The following MALRD1 variants were observed in gnomAD, a reference collection of about 807,000 sequenced individuals.
MALRD1 encodes MAM and LDL-receptor class A domain-containing protein 1.
In MALRD1, 247 loss-of-function variants were observed where a neutral mutation model predicts 242.1. The observed-to-expected ratio is 1.02, with a 90% CI of 0.92 to 1.13. The LOEUF is 1.13. Ranked by LOEUF, MALRD1 falls within the 50% of genes most tolerant of loss-of-function variation. The probability of loss-of-function intolerance (pLI) is 0.00; values close to 1 mark genes in which losing one functional copy is unlikely to be tolerated. For synonymous variants in MALRD1, 995 were observed against 866.6 expected, an observed-to-expected ratio of 1.15 and a Z score of -2.60; for missense variants, 2,989 against 2,533.1, an observed-to-expected ratio of 1.18 and a Z score of -3.86.
chr10:19,079,098 T>C (rs1431512724), intron 2 of MALRD1, among the ~76,000 whole-genome samples: 2 of 151,644 alleles, frequency 1.3e-5, no homozygotes, highest in Non-Finnish European at 3.0e-5. Context: ...GATCTTTCCT[T>C]GTTTAAATTT....
chr10:19,545,566 T>C (rs984047466), intron 32 of MALRD1, among the ~76,000 whole-genome samples: 1 of 152,158 alleles, frequency 6.6e-6, no homozygotes, highest in African/African-American at 2.4e-5. Flanking sequence ...TGTCTGATTA[T>C]TTCTCCTTCA....
At chr10:19,384,863 G>A (rs1353885528) in intron 26 of MALRD1, among the ~76,000 whole-genome samples, 1 of 150,902 alleles carries the variant, frequency 6.6e-6, no homozygotes, top group East Asian at 1.9e-4. Flanking sequence ...AGAAAGAACT[G>A]AAAATTTTTT....
chr10:19,568,030 G>A (rs1836332835), intron 33 of MALRD1, among the ~76,000 whole-genome samples: 1 of 152,112 alleles, frequency 6.6e-6, no homozygotes, highest in Non-Finnish European at 1.5e-5. Context: ...GGCCCCTGTG[G>A]CTACCTATTA....
chr10:19,211,553 G>T (rs992537944), intron 18 of MALRD1, among the ~76,000 whole-genome samples: 1 of 151,774 alleles, frequency 6.6e-6, no homozygotes, highest in African/African-American at 2.4e-5. Flanking sequence ...CAATTAGCCA[G>T]GCACGCACCT....
chr10:19,210,593 T>A (rs1354144800), intron 18 of MALRD1, among the ~76,000 whole-genome samples: 4 of 152,240 alleles, frequency 2.6e-5, no homozygotes, highest in Non-Finnish European at 4.4e-5. Context: ...TTTTTGCATG[T>A]ACTCAACTTC....
chr10:19,397,178 A>G (rs958071387), intron 28 of MALRD1, among the ~76,000 whole-genome samples: 1 of 152,078 alleles, frequency 6.6e-6, no homozygotes, highest in African/African-American at 2.4e-5. Context: ...CTGTGCAAAG[A>G]AACACCAGGA....
chr10:19,395,435 T>C (rs763988240), intron 28 of MALRD1, among the ~76,000 whole-genome samples: 7 of 152,210 alleles, frequency 4.6e-5, no homozygotes, highest in Non-Finnish European at 1.0e-4. Context: ...GGGAGAGGGC[T>C]TCCAGGTCAT....
At chr10:19,308,007 G>T (rs151180585) in intron 21 of MALRD1, among the ~76,000 whole-genome samples, 3 of 151,604 alleles carry the variant, frequency 2.0e-5, no homozygotes, top group Non-Finnish European at 4.4e-5. Flanking sequence ...ATTCCTTCAA[G>T]AATTTATCCT....
At chr10:19,534,774 T>G (rs1834579028) in intron 32 of MALRD1, among the ~76,000 whole-genome samples, 1 of 152,278 alleles carries the variant, frequency 6.6e-6, no homozygotes, top group Middle Eastern at 3.4e-3. Flanking sequence ...TTAAAAAATT[T>G]ATAATTTTTA....
At chr10:19,715,736 G>A (rs1834352485) in intron 38 of MALRD1, among the ~76,000 whole-genome samples, 2 of 152,200 alleles carry the variant, frequency 1.3e-5, no homozygotes, top group Non-Finnish European at 2.9e-5. Context: ...ATCTGCTTAT[G>A]GTGAGGCCTC....
chr10:19,592,779 A>ACG (rs1188071947), intron 33 of MALRD1, among the ~76,000 whole-genome samples: 1 of 151,624 alleles, frequency 6.6e-6, no homozygotes, highest in African/African-American at 2.4e-5. Context: ...ACACACACAC[A>ACG]CACACACACA....
chr10:19,710,683 T>G (rs1834066838), intron 38 of MALRD1: 1 of 152,232 alleles, frequency 6.6e-6, no homozygotes, highest in South Asian at 2.1e-4. Flanking sequence ...GGCTCCATAT[T>G]CTAATTATTT....
chr10:19,209,769 C>G (rs1318750101), intron 18 of MALRD1, 89 bp downstream of exon 18: 2 of 1,299,086 alleles, frequency 1.5e-6, no homozygotes, highest in Non-Finnish European at 2.1e-6. Flanking sequence ...TAATTAAAAG[C>G]AAGTGGAATT....
intron 31 of MALRD1, among the ~76,000 whole-genome samples, chr10:19,517,548 A>T (rs776875635): frequency 6.6e-6 from 1 of 152,190 alleles, no homozygotes; most frequent in African/African-American, 2.4e-5. Flanking sequence ...CCATTTCTGT[A>T]GAAAAACACA....
chr10:19,148,773 T>TAAAAAA (rs1174673634), intron 11 of MALRD1, among the ~76,000 whole-genome samples: 14 of 114,472 alleles, frequency 1.2e-4, no homozygotes, highest in East Asian at 5.0e-4. Context: ...AAGGGCCAAT[T>TAAAAAA]AAAAAAAAAA....
intron 36 of MALRD1, among the ~76,000 whole-genome samples, chr10:19,628,627 C>A (rs1452305751): frequency 6.6e-6 from 1 of 152,000 alleles, no homozygotes. Context: ...AGTTAGTGAG[C>A]TCTGTAGAAG....
At chr10:19,500,305 A>G (rs765264928) in intron 31 of MALRD1, among the ~76,000 whole-genome samples, 1 of 152,228 alleles carries the variant, frequency 6.6e-6, no homozygotes, top group African/African-American at 2.4e-5. Context: ...AGTGTATACT[A>G]TAAGATGAAC....
intron 34 of MALRD1, among the ~76,000 whole-genome samples, chr10:19,596,797 G>A (rs1838121575): frequency 6.7e-6 from 1 of 149,914 alleles, no homozygotes; most frequent in African/African-American, 2.5e-5. Context: ...GAAGGAAGAG[G>A]GGAAGGGAGG....
chr10:19,391,097 A>G (rs1846317368), intron 28 of MALRD1, among the ~76,000 whole-genome samples: 1 of 152,126 alleles, frequency 6.6e-6, no homozygotes, highest in Non-Finnish European at 1.5e-5. Context: ...TTTTATTTCT[A>G]GAAAGTGTAA....
Sources: gnomAD v4.1 joint callset for allele counts (sites outside exome capture counted in the v4.1 genomes callset) on GRCh38, gnomAD v4.1.1 for gene constraint, MANE v1.5 for transcripts, NCBI Gene and HGNC (gene_info 2026-07-23, HGNC 2026-07-21) for gene names.